CALB2: variants seen among roughly 807,000 people sequenced by gnomAD.
The protein encoded by CALB2 is calretinin.
Under a neutral mutation model 45.9 loss-of-function variants are expected in CALB2, and 34 were observed. The observed-to-expected ratio is 0.74, with a 90% CI of 0.56 to 0.99. The LOEUF (loss-of-function observed/expected upper bound fraction) is 0.99. CALB2 is among the 50% of genes least tolerant of loss of function. The probability of loss-of-function intolerance (pLI) is 0.00; values close to 1 mark genes in which losing one functional copy is unlikely to be tolerated. For missense variants in CALB2, 344 were observed against 339.3 expected, an observed-to-expected ratio of 1.01 and a Z score of -0.11; for synonymous variants, 142 against 129.6, an observed-to-expected ratio of 1.10 and a Z score of -0.65.
intron 4 of CALB2, among the ~76,000 whole-genome samples, chr16:71,380,677 G>A (rs536637100): frequency 1.3e-5 from 2 of 151,922 alleles, no homozygotes; most frequent in African/African-American, 4.8e-5. Context: ...AGACATGCCC[G>A]CCACGGTTTC....
At position 71,382,713 on chromosome 16, in the gene CALB2, T is replaced by G; in HGVS notation, c.343-6T>G. ...TGCAAAGAGGTTGACATTCCTGTTG[T>G]TGCAGGCTTGGCGGAAGTACGACAC... On this transcript the variant is annotated splice_region_variant and splice_polypyrimidine_tract_variant and intron_variant, in intron 4 of 10. Coordinates refer to ENST00000302628, the MANE Select transcript of CALB2 (RefSeq NM_001740.5). 1 of 1,611,056 alleles carries G rather than the reference T, an allele frequency of 6.2e-7. No individual in the cohort carries two copies. Among genetic ancestry groups the G allele is most frequent in the Non-Finnish European group, 8.5e-7 (1 of 1,178,860 alleles).
In CALB2 at chr16:71,389,869, G is replaced by C. The variant is rs370211423; in HGVS notation, c.*4G>C. The C allele has an allele frequency of 6.2e-7, 1 of 1,601,872 alleles. No homozygotes were observed. Among genetic ancestry groups the C allele is most frequent in the Non-Finnish European group, 8.5e-7 (1 of 1,170,008 alleles). ...CTGCAGCGAGCCCCCCATGTAAAGT[G>C]GGGACGGGGGCTGCTTCTCCACCTC... On this transcript the variant is annotated 3_prime_UTR_variant, in exon 11 of 11. Coordinates refer to ENST00000302628, the MANE Select transcript of CALB2 (RefSeq NM_001740.5).
chr16:71,367,175 CAAGAG>C (rs1471411946), intron 1 of CALB2, among the ~76,000 whole-genome samples: 1 of 152,114 alleles, frequency 6.6e-6, no homozygotes, highest in Non-Finnish European at 1.5e-5. Context: ...GGAATGGTAG[CAAGAG>C]TAGAATAAGG....
intron 4 of CALB2, among the ~76,000 whole-genome samples, chr16:71,382,177 C>G (rs376615817): frequency 2.5e-4 from 9 of 35,528 alleles, no homozygotes; most frequent in African/African-American, 7.8e-4. Flanking sequence ...AAGGAAGGAA[C>G]GAAAGAAAAA....
At chr16:71,374,963 C>G (rs2144974250) in intron 3 of CALB2, 129 bp downstream of exon 3, 1 of 611,756 alleles carries the variant, frequency 1.6e-6, no homozygotes, top group South Asian at 1.9e-5. Context: ...ACCCCCAGCA[C>G]TTGGGCTGAC....
At chr16:71,362,492 TAC>T (rs2042245613) in intron 1 of CALB2, among the ~76,000 whole-genome samples, 1 of 152,244 alleles carries the variant, frequency 6.6e-6, no homozygotes, top group Non-Finnish European at 1.5e-5. Flanking sequence ...ACATGTCTAT[TAC>T]AGTGTTCTTC....
chr16:71,367,890 G>A (rs74025967), intron 1 of CALB2, among the ~76,000 whole-genome samples: 3,620 of 152,198 alleles, frequency 0.024, 162 homozygotes, highest in African/African-American at 0.081. Flanking sequence ...TCAGAGAGGC[G>A]GCTTCTCTCC....
At chr16:71,368,722 G>A (rs2042314144) in intron 1 of CALB2, among the ~76,000 whole-genome samples, 1 of 151,984 alleles carries the variant, frequency 6.6e-6, no homozygotes, top group African/African-American at 2.4e-5. Context: ...TTATGTGTGG[G>A]TTCATTTCCC....
chr16:71,383,297 G>A, intron 5 of CALB2, 70 bp from the exon 6 acceptor site: 1 of 1,354,092 alleles, frequency 7.4e-7, no homozygotes, highest in Non-Finnish European at 1.0e-6. Context: ...GTCTGAATGA[G>A]CAAGTAAGGA....
chr16:71,389,193 A>T (rs1304649126), intron 10 of CALB2, among the ~76,000 whole-genome samples: 1 of 151,728 alleles, frequency 6.6e-6, no homozygotes, highest in Admixed American at 6.6e-5. Flanking sequence ...GCCTCAAAAT[A>T]AAAAAAATAA....
At chr16:71,382,833 G>C in intron 5 of CALB2, 58 bp downstream of exon 5, 1 of 1,460,682 alleles carries the variant, frequency 6.8e-7, no homozygotes, top group Non-Finnish European at 9.3e-7. Flanking sequence ...TAAGGTGCCT[G>C]AGGAGGGAGG....
intron 2 of CALB2, among the ~76,000 whole-genome samples, chr16:71,372,958 G>A (rs774003614): frequency 3.0e-4 from 45 of 152,198 alleles, no homozygotes; most frequent in Admixed American, 7.2e-4. Flanking sequence ...GTGGTGTCAC[G>A]ACCTTCTGAG....
chr16:71,384,426 C>G (rs767569880), intron 8 of CALB2, 48 bp downstream of exon 8: 10 of 1,522,118 alleles, frequency 6.6e-6, no homozygotes, highest in Non-Finnish European at 9.0e-6. Flanking sequence ...CCCTCTGAGC[C>G]TGGCCCTGCA....
At chr16:71,380,929 G>C (rs1434049953) in intron 4 of CALB2, among the ~76,000 whole-genome samples, 1 of 152,224 alleles carries the variant, frequency 6.6e-6, no homozygotes, top group Non-Finnish European at 1.5e-5. Context: ...AATGAGAAGA[G>C]AAAGGATGCA....
At chr16:71,389,502 G>C in intron 10 of CALB2, 1 of 664,536 alleles carries the variant, frequency 1.5e-6, no homozygotes, top group Admixed American at 1.9e-5. Context: ...CCATTTTACA[G>C]GTGAGGCAGC....
At chr16:71,362,091 G>A (rs148259422) in intron 1 of CALB2, among the ~76,000 whole-genome samples, 5 of 152,180 alleles carry the variant, frequency 3.3e-5, no homozygotes, top group African/African-American at 7.2e-5. Flanking sequence ...TCCATGCTCC[G>A]AGTGGCCCTG....
rs56963217 is a variant in CALB2, at chr16:71,372,285, C to T, written c.171+56C>T. On this transcript the variant is annotated intron_variant, in intron 2 of 10. Coordinates refer to ENST00000302628, the MANE Select transcript of CALB2 (RefSeq NM_001740.5). ...GATTTTCCTGACCTATGCCTTTGAGCATGCTGTGTCCCAGTTATGTATGCC... is the reference window on the plus strand; with the variant it reads ...GATTTTCCTGACCTATGCCTTTGAGTATGCTGTGTCCCAGTTATGTATGCC... The T allele has an allele frequency of 9.9e-4, 1,259 of 1,267,322 alleles. 13 individuals carry two copies. The African/African-American group carries it at 0.017, about 17-fold the overall frequency. 78.5% of individuals were successfully genotyped at this position (1,267,322 alleles called of 1,614,324 possible).
chr16:71,384,694 C>CCACACACATAAACA (rs2042548993), intron 8 of CALB2, 89 bp from the exon 9 acceptor site: 1 of 874,620 alleles, frequency 1.1e-6, no homozygotes, highest in East Asian at 2.6e-5. Flanking sequence ...CATGCACACA[C>CCACACACATAAACA]CACACACATA....
chr16:71,377,969 C>T (rs1323061651), intron 4 of CALB2, among the ~76,000 whole-genome samples: 3 of 152,172 alleles, frequency 2.0e-5, no homozygotes, highest in African/African-American at 4.8e-5. Context: ...CGCCTTGTAA[C>T]CCCAGCACTT....
Sources: allele counts gnomAD v4.1 joint callset (sites outside exome capture counted in the v4.1 genomes callset), GRCh38; gene constraint gnomAD v4.1.1; transcripts MANE v1.5; gene names NCBI Gene and HGNC (gene_info 2026-07-23, HGNC 2026-07-21).